Variants in ITPR2 observed in about 807,000 individuals in gnomAD.
The protein encoded by ITPR2 is inositol 1,4,5-trisphosphate receptor type 2, also known as inositol 1,4,5-trisphosphate-gated calcium channel ITPR2.
In ITPR2, 207 loss-of-function variants were observed where a neutral mutation model predicts 317.1. The ratio of observed to expected loss-of-function variants is 0.65; its 90% CI spans 0.58 to 0.73. The LOEUF is 0.73. Ranked by LOEUF, ITPR2 falls within the 30% of genes least tolerant of loss-of-function variation. The pLI is 0.00. For synonymous variants in ITPR2, 1,156 were observed against 1,149.1 expected (o/e 1.01, Z -0.12); for missense variants, 2,613 against 3,284.0 (o/e 0.80, Z 4.99).
intron 15 of ITPR2, among the ~76,000 whole-genome samples, chr12:26,662,280 T>A (rs991437454): frequency 6.6e-6 from 1 of 152,200 alleles, no homozygotes; most frequent in Non-Finnish European, 1.5e-5. Context: ...CTGGTTCCAT[T>A]CTTAAACTAT....
intron 26 of ITPR2, among the ~76,000 whole-genome samples, chr12:26,620,404 T>C (rs1341038513): frequency 6.6e-6 from 1 of 152,188 alleles, no homozygotes; most frequent in Non-Finnish European, 1.5e-5. Context: ...GGTAAACCCA[T>C]CAAAACGGCT....
chr12:26,351,528 C>G (rs1254987119), intron 55 of ITPR2, among the ~76,000 whole-genome samples: 1 of 152,186 alleles, frequency 6.6e-6, no homozygotes, highest in Non-Finnish European at 1.5e-5. Context: ...GCAGCACACA[C>G]ATGTAGTACC....
intron 1 of ITPR2, among the ~76,000 whole-genome samples, chr12:26,804,923 C>T (rs892409936): frequency 2.0e-5 from 3 of 151,742 alleles, no homozygotes; most frequent in African/African-American, 4.8e-5. Flanking sequence ...TTAGTAGAGA[C>T]GGGGTTTTGC....
intron 26 of ITPR2, among the ~76,000 whole-genome samples, chr12:26,610,736 A>C (rs534249426): frequency 6.6e-6 from 1 of 152,228 alleles, no homozygotes; most frequent in Non-Finnish European, 1.5e-5. Flanking sequence ...AGGTATGTTT[A>C]AAATAATCAT....
At chr12:26,592,051 A>T (rs1591938262) in intron 32 of ITPR2, among the ~76,000 whole-genome samples, 1 of 126,574 alleles carries the variant, frequency 7.9e-6, no homozygotes, top group African/African-American at 2.5e-5. Flanking sequence ...TATACACAAC[A>T]GAGTACTATT....
At chr12:26,724,000 T>A (rs1948880292) in intron 4 of ITPR2, among the ~76,000 whole-genome samples, 1 of 152,230 alleles carries the variant, frequency 6.6e-6, no homozygotes. Context: ...TTTATAAACA[T>A]GCCTTACCCC....
intron 35 of ITPR2, among the ~76,000 whole-genome samples, chr12:26,556,791 A>AG (rs367688811): frequency 0.41 from 38,761 of 94,542 alleles, 6,011 homozygotes; most frequent in Non-Finnish European, 0.54. Context: ...AAAAAAAAAA[A>AG]ATTCCAGCCA....
intron 26 of ITPR2, among the ~76,000 whole-genome samples, chr12:26,609,259 T>A (rs556179146): frequency 6.6e-6 from 1 of 152,342 alleles, no homozygotes; most frequent in South Asian, 2.1e-4. Flanking sequence ...ACTTGCTGAA[T>A]AAAAGAAACC....
intron 48 of ITPR2, among the ~76,000 whole-genome samples, chr12:26,428,550 C>T (rs749323953): frequency 6.6e-6 from 1 of 151,996 alleles, no homozygotes; most frequent in Non-Finnish European, 1.5e-5. Flanking sequence ...AGTAGAATAA[C>T]CTTTATAAAA....
At chr12:26,655,931 G>A in intron 19 of ITPR2, 79 bp from the exon 20 acceptor site, 1 of 1,351,082 alleles carries the variant, frequency 7.4e-7, no homozygotes, top group Non-Finnish European at 1.0e-6. Context: ...GTAGTTTCCT[G>A]GGTGCATAAT....
intron 47 of ITPR2, among the ~76,000 whole-genome samples, chr12:26,438,263 T>A (rs529690150): frequency 2.6e-4 from 40 of 152,258 alleles, no homozygotes; most frequent in Middle Eastern, 3.4e-3. Flanking sequence ...AGCCTGAAAA[T>A]GCATACCACA....
chr12:26,511,440 G>A (rs1943343379), intron 37 of ITPR2, among the ~76,000 whole-genome samples: 1 of 152,152 alleles, frequency 6.6e-6, no homozygotes. Context: ...CTATTTGGTT[G>A]GTATGATTTT....
At chr12:26,613,731 A>T (rs946112816) in intron 26 of ITPR2, among the ~76,000 whole-genome samples, 2 of 152,152 alleles carry the variant, frequency 1.3e-5, no homozygotes, top group African/African-American at 4.8e-5. Context: ...GCAAAAGGGC[A>T]CCTATCTTGG....
chr12:26,688,812 C>T (rs1470385185), intron 10 of ITPR2, among the ~76,000 whole-genome samples: 1 of 152,072 alleles, frequency 6.6e-6, no homozygotes, highest in Non-Finnish European at 1.5e-5. Context: ...GGTCTTGGGA[C>T]CCACTTTCAC....
Position 26,475,368 on chromosome 12 carries a change from C to A in ITPR2, c.6270G>T (p.Gly2090=), listed in dbSNP as rs548190281. The change falls in exon 45 of 57, where the codon GGG becomes GGT. Residue 2090 remains glycine, a synonymous_variant. Transcript: ENST00000381340. ...AYNQGLECDH[G]DDEGGDDGVS... ...CACCATCATCTCCACCCTCATCATCCCCATGGTCACATTCCAATCCTTGGT... is the reference window on the plus strand; with the variant it reads ...CACCATCATCTCCACCCTCATCATCACCATGGTCACATTCCAATCCTTGGT... The A allele has an allele frequency of 1.9e-6, 3 of 1,613,720 alleles. No homozygotes were observed. The African/African-American group carries it at 4.0e-5, about 22-fold the overall frequency.
At chr12:26,724,300 CT>C (rs570891953) in intron 4 of ITPR2, among the ~76,000 whole-genome samples, 147 of 152,298 alleles carry the variant, frequency 9.7e-4, no homozygotes, top group Middle Eastern at 3.4e-3. Context: ...ACTTTTCTCT[CT>C]TCACAAAATG....
chr12:26,613,030 C>T (rs1182763543), intron 26 of ITPR2, among the ~76,000 whole-genome samples: 1 of 152,134 alleles, frequency 6.6e-6, no homozygotes, highest in African/African-American at 2.4e-5. Flanking sequence ...CTTTGTCACC[C>T]TATTTTTTGG....
At chr12:26,789,055 T>A (rs923725748) in intron 2 of ITPR2, among the ~76,000 whole-genome samples, 8 of 152,192 alleles carry the variant, frequency 5.3e-5, no homozygotes, top group African/African-American at 1.9e-4. Context: ...AAGACCTCAC[T>A]TGCCCAGGGT....
At position 26,578,730 on chromosome 12, in the gene ITPR2, C is replaced by T. The variant is rs761131597; in HGVS notation, c.4613G>A (p.Arg1538Lys). 1.2e-6 allele frequency: 2 copies of T among 1,603,694 alleles called. No homozygotes were observed. Among genetic ancestry groups the T allele is most frequent in the African/African-American group, 2.7e-5 (2 of 74,904 alleles). The change falls in exon 34 of 57, where the codon AGA (arginine) becomes AAA (lysine). Residue 1538 changes from arginine (R) to lysine (K), a missense_variant. Arg to Lys is a conservative substitution (Grantham distance 26). Coordinates refer to ENST00000381340, the MANE Select transcript of ITPR2 (RefSeq NM_002223.4). ...TGACTTACCCACTTCAGCCAAAGTT[C>T]TGATACAGGATTCCACTGAGGCTTT... ...AQKASVESCI[R>K]TLAEVAKNRG...
Sources: gnomAD v4.1 joint callset for allele counts (sites outside exome capture counted in the v4.1 genomes callset) on GRCh38, gnomAD v4.1.1 for gene constraint, MANE v1.5 for transcripts, NCBI Gene and HGNC (gene_info 2026-07-23, HGNC 2026-07-21) for gene names.